The following ZNF438 variants were observed in gnomAD, a reference collection of about 807,000 sequenced individuals.
ZNF438 encodes the protein zinc finger protein 438.
In ZNF438, 25 loss-of-function variants were observed where a neutral mutation model predicts 38.0. That is an observed-to-expected ratio of 0.66 (90% CI 0.48 to 0.92). The LOEUF (loss-of-function observed/expected upper bound fraction) is 0.92, where lower values mean the gene tolerates loss of function less well. ZNF438 is among the 40% of genes least tolerant of loss of function. The probability of loss-of-function intolerance (pLI) is 0.00; values close to 1 mark genes in which losing one functional copy is unlikely to be tolerated. For synonymous variants in ZNF438, 372 were observed against 364.1 expected (o/e 1.02, Z -0.25); for missense variants, 1,007 against 999.6 (o/e 1.01, Z -0.10).
chr10:30,931,180 T>G (rs1455271850), intron 2 of ZNF438, among the ~76,000 whole-genome samples: 2 of 152,206 alleles, frequency 1.3e-5, no homozygotes, highest in Admixed American at 6.5e-5. Flanking sequence ...CTGTTGAGAT[T>G]GCTAAATTGG....
intron 2 of ZNF438, among the ~76,000 whole-genome samples, chr10:30,922,422 G>A (rs2044405343): frequency 6.6e-6 from 1 of 152,168 alleles, no homozygotes; most frequent in African/African-American, 2.4e-5. Flanking sequence ...AGATAAGTTT[G>A]AAAATAAATA....
chr10:31,008,273 T>C (rs1197321294), intron 1 of ZNF438, among the ~76,000 whole-genome samples: 1 of 151,124 alleles, frequency 6.6e-6, no homozygotes, highest in Admixed American at 6.6e-5. Context: ...CACTTCTTCT[T>C]TTTTAACAGC....
intron 3 of ZNF438, among the ~76,000 whole-genome samples, chr10:30,892,310 ATAAC>A (rs1420164775): frequency 6.6e-6 from 1 of 151,098 alleles, no homozygotes; most frequent in Non-Finnish European, 1.5e-5. Flanking sequence ...GAAATTAACA[ATAAC>A]TAATAAGAAA....
intron 1 of ZNF438, among the ~76,000 whole-genome samples, chr10:31,016,162 A>G (rs2056180738): frequency 1.3e-5 from 2 of 152,234 alleles, no homozygotes; most frequent in South Asian, 4.1e-4. Flanking sequence ...TATCACATGA[A>G]AATATCAGGA....
At position 30,951,475 on chromosome 10, in the gene ZNF438, G is replaced by A. The variant is rs371931270; in HGVS notation, c.-191-9824C>T. On this transcript the variant is annotated intron_variant, in intron 1 of 5. Transcript: ENST00000413025. ...AGTCAAATTGTACCTGTTTGCAGAC[G>A]ACATGATTGTATATCCAGAAAACCC... Among the ~76,000 whole-genome samples, 18 of 152,258 alleles carry A rather than the reference G, an allele frequency of 1.2e-4. No individual in the cohort carries two copies. In the East Asian group the frequency reaches 2.1e-3, roughly 18 times the overall value.
chr10:30,892,049 T>C (rs1426419159), intron 3 of ZNF438, among the ~76,000 whole-genome samples: 2 of 152,208 alleles, frequency 1.3e-5, no homozygotes, highest in Non-Finnish European at 2.9e-5. Context: ...TTCCATAATA[T>C]AGACATGTAT....
intron 3 of ZNF438, among the ~76,000 whole-genome samples, chr10:30,907,706 T>G (rs890988035): frequency 6.6e-6 from 1 of 152,180 alleles, no homozygotes; most frequent in Non-Finnish European, 1.5e-5. Context: ...TCTTTCTTTG[T>G]TGATTATTCT....
chr10:30,863,923 T>C (rs2035994115), intron 4 of ZNF438, among the ~76,000 whole-genome samples: 1 of 152,174 alleles, frequency 6.6e-6, no homozygotes, highest in South Asian at 2.1e-4. Flanking sequence ...AAGTTTAAAG[T>C]TTCTAGTTCA....
chr10:30,870,650 G>T (rs1438410950), intron 4 of ZNF438, among the ~76,000 whole-genome samples: 1 of 152,122 alleles, frequency 6.6e-6, no homozygotes, highest in Non-Finnish European at 1.5e-5. Context: ...ATTAAATAAA[G>T]TATCTTTTAA....
At chr10:30,896,004 T>C (rs2041279690) in intron 3 of ZNF438, among the ~76,000 whole-genome samples, 1 of 152,132 alleles carries the variant, frequency 6.6e-6, no homozygotes, top group Non-Finnish European at 1.5e-5. Flanking sequence ...TCTGTGTGAA[T>C]GTCAAAAAGA....
In ZNF438 at chr10:30,857,631, A is replaced by G. The variant is rs1335650696; in HGVS notation, c.38-7264T>C. The G allele has an allele frequency of 2.4e-5, 32 of 1,356,630 alleles. 1 individual carries two copies. In the Admixed American group the frequency reaches 6.6e-4, roughly 28 times the overall value. 84.0% of individuals were successfully genotyped at this position (1,356,630 alleles called of 1,614,324 possible). A position where few individuals can be genotyped will look rare whatever the true frequency, so the allele number is the denominator to read the frequency against. Reference sequence around the variant, plus strand: ...TAGAGATAACTCACAGAAAATTAATAGTCATTTGAAAGCAAAAGCATATTT... The same window carrying G: ...TAGAGATAACTCACAGAAAATTAATGGTCATTTGAAAGCAAAAGCATATTT... On this transcript the variant is annotated intron_variant, in intron 4 of 5. Transcript: ENST00000413025.
At chr10:30,972,740 G>C (rs1226746580) in intron 1 of ZNF438, among the ~76,000 whole-genome samples, 1 of 152,172 alleles carries the variant, frequency 6.6e-6, no homozygotes, top group Non-Finnish European at 1.5e-5. Flanking sequence ...ACTTGAATAG[G>C]AGGACACTGG....
chr10:30,991,062 A>G (rs765198877), intron 1 of ZNF438, among the ~76,000 whole-genome samples: 9 of 152,252 alleles, frequency 5.9e-5, no homozygotes, highest in Non-Finnish European at 5.9e-5. Context: ...TCTTGGTAAG[A>G]GCCTGTCAGT....
intron 1 of ZNF438, among the ~76,000 whole-genome samples, chr10:30,992,171 A>G (rs1376876154): frequency 3.3e-5 from 5 of 152,224 alleles, no homozygotes; most frequent in African/African-American, 4.8e-5. Context: ...ACTGTAAGAA[A>G]TAAATTTATT....
intron 1 of ZNF438, among the ~76,000 whole-genome samples, chr10:31,014,101 C>A (rs1184670689): frequency 6.6e-6 from 1 of 152,086 alleles, no homozygotes; most frequent in Non-Finnish European, 1.5e-5. Flanking sequence ...ATTATTCTTT[C>A]TTGGTGTCCT....
chr10:30,971,823 C>T (rs570503081), intron 1 of ZNF438, among the ~76,000 whole-genome samples: 11 of 152,176 alleles, frequency 7.2e-5, no homozygotes, highest in African/African-American at 2.6e-4. Flanking sequence ...TAAAACCACT[C>T]GGTGTATTTA....
chr10:31,013,625 G>A (rs146226546), intron 1 of ZNF438, among the ~76,000 whole-genome samples: 1 of 152,184 alleles, frequency 6.6e-6, no homozygotes, highest in African/African-American at 2.4e-5. Context: ...AAGGTGCCAG[G>A]AAGATGCAGG....
intron 2 of ZNF438, among the ~76,000 whole-genome samples, chr10:30,929,147 C>T (rs1248047081): frequency 1.3e-5 from 2 of 152,208 alleles, no homozygotes; most frequent in South Asian, 2.1e-4. Flanking sequence ...AATCCCAGCA[C>T]TTTGGGAGGC....
chr10:30,966,606 T>C (rs2050147028), intron 1 of ZNF438, among the ~76,000 whole-genome samples: 1 of 149,898 alleles, frequency 6.7e-6, no homozygotes, highest in African/African-American at 2.5e-5. Context: ...GGAAGTGGAG[T>C]TTGCAGTGAG....
Sources: allele counts gnomAD v4.1 joint callset (sites outside exome capture counted in the v4.1 genomes callset), GRCh38; gene constraint gnomAD v4.1.1; transcripts MANE v1.5; gene names NCBI Gene and HGNC (gene_info 2026-07-23, HGNC 2026-07-21).